UTS2B: variants seen among roughly 807,000 people sequenced by gnomAD.
The protein encoded by UTS2B is urotensin 2B.
A neutral mutation model predicts 19.2 loss-of-function variants in UTS2B; 21 were observed. The ratio of observed to expected loss-of-function variants is 1.09; its 90% confidence interval spans 0.78 to 1.58. The LOEUF (loss-of-function observed/expected upper bound fraction) is 1.58, where lower values mean the gene tolerates loss of function less well. Among genes scored for constraint, UTS2B ranks in the 40% most tolerant of loss-of-function variants. The pLI is 0.00. For missense variants in UTS2B, 138 were observed against 130.3 expected (o/e 1.06, Z -0.29); for synonymous variants, 57 against 50.2 (o/e 1.14, Z -0.58).
rs1316192581 is a variant in UTS2B, at chr3:191,330,456, C to A, written c.-707G>T. 6.6e-6 allele frequency: 1 copy of A among 152,286 alleles called. No homozygotes were observed. The highest frequency in any genetic ancestry group is 1.5e-5 in the Non-Finnish European group (1 of 68,120). The allele number at this position is 152,286 out of a possible 1,614,324, so 9.4% of individuals were successfully genotyped here. On this transcript the variant is annotated 5_prime_UTR_variant, in exon 1 of 9. Coordinates refer to ENST00000340524, the MANE Select transcript of UTS2B (RefSeq NM_198152.5). ...CAAGTAGCCTTTTGACTTCCCTTCT[C>A]TTGTTTTTCCACTAGCTGCCTCAGG...
At chr3:191,341,735 C>T in the UTS2B span, among the ~76,000 whole-genome samples, 1 of 152,096 alleles carries the variant, frequency 6.6e-6, no homozygotes, top group African/African-American at 2.4e-5. Context: ...AAAAAAATTA[C>T]CCCACTCTTG....
At chr3:191,320,139 T>TA (rs145840672) in intron 2 of UTS2B, among the ~76,000 whole-genome samples, 7,981 of 150,426 alleles carry the variant, frequency 0.053, 664 homozygotes, top group African/African-American at 0.18. Flanking sequence ...GACCTGGAGA[T>TA]AAAAAAAAAG....
upstream of UTS2B, among the ~76,000 whole-genome samples, chr3:191,333,961 C>G (rs1410739762): frequency 6.6e-6 from 1 of 151,984 alleles, no homozygotes; most frequent in Non-Finnish European, 1.5e-5. Flanking sequence ...TAATTTGTTG[C>G]TTTCTTTTCT....
upstream of UTS2B, among the ~76,000 whole-genome samples, chr3:191,331,924 A>G (rs1475514424): frequency 6.6e-6 from 1 of 152,216 alleles, no homozygotes; most frequent in Non-Finnish European, 1.5e-5. Flanking sequence ...TTAGTTTAAT[A>G]TTCTGATGCA....
At chr3:191,346,117 G>A in the UTS2B span, among the ~76,000 whole-genome samples, 1 of 152,244 alleles carries the variant, frequency 6.6e-6, no homozygotes, top group South Asian at 2.1e-4. Flanking sequence ...GGGACCATAT[G>A]TGGGCTTTAC....
intron 2 of UTS2B, among the ~76,000 whole-genome samples, chr3:191,325,484 A>C (rs1450572237): frequency 6.6e-6 from 1 of 152,132 alleles, no homozygotes; most frequent in Non-Finnish European, 1.5e-5. Flanking sequence ...GTTACAAAGG[A>C]GATATGGGGA....
At chr3:191,303,069 A>G (rs1237299257) in intron 4 of UTS2B, among the ~76,000 whole-genome samples, 1 of 152,248 alleles carries the variant, frequency 6.6e-6, no homozygotes, top group Non-Finnish European at 1.5e-5. Flanking sequence ...GAGAAACTTC[A>G]TCTGCACAAA....
intron 8 of UTS2B, among the ~76,000 whole-genome samples, chr3:191,275,030 T>C (rs986753937): frequency 1.3e-5 from 2 of 152,248 alleles, no homozygotes; most frequent in African/African-American, 4.8e-5. Context: ...ACCTATTTTA[T>C]TTAAACCTGA....
the UTS2B span, among the ~76,000 whole-genome samples, chr3:191,344,461 T>C: frequency 2.6e-5 from 4 of 152,238 alleles, no homozygotes; most frequent in African/African-American, 9.6e-5. Flanking sequence ...TACATATGAT[T>C]GGCGGCTACC....
the UTS2B span, among the ~76,000 whole-genome samples, chr3:191,336,793 G>A: frequency 6.6e-6 from 1 of 152,092 alleles, no homozygotes; most frequent in African/African-American, 2.4e-5. Flanking sequence ...CCAATACAAG[G>A]ATCTTCTCCT....
chr3:191,316,233 C>T lies in UTS2B; in HGVS notation c.-379G>A, dbSNP rs1403103381. The T allele has an allele frequency of 6.5e-6, 1 of 152,786 alleles. No homozygotes were observed. The allele number at this position is 152,786 out of a possible 1,614,324, so 9.5% of individuals were successfully genotyped here. On this transcript the variant is annotated 5_prime_UTR_variant, in exon 3 of 9. Transcript: ENST00000340524. ...ATTAGTGTGCCGGAATTGGTGGGTT[C>T]TTGGTCTCACAGACTTAAAGAATGA...
At chr3:191,295,154 A>G (rs924776729) in intron 4 of UTS2B, among the ~76,000 whole-genome samples, 6 of 151,994 alleles carry the variant, frequency 3.9e-5, no homozygotes, top group Non-Finnish European at 5.9e-5. Context: ...TTTCCATCCC[A>G]TTCAGGCCAA....
chr3:191,307,482 ATG>A (rs1295762902), intron 3 of UTS2B, among the ~76,000 whole-genome samples: 1 of 152,162 alleles, frequency 6.6e-6, no homozygotes, highest in Non-Finnish European at 1.5e-5. Context: ...ATACAACATC[ATG>A]TGTTTCTGTG....
chr3:191,316,602 G>A (rs966843735), intron 2 of UTS2B, among the ~76,000 whole-genome samples, 163 bp from the exon 3 acceptor site: 7 of 152,180 alleles, frequency 4.6e-5, no homozygotes, highest in East Asian at 1.9e-4. Context: ...TACAAAGAGC[G>A]GATTGGTCCA....
chr3:191,325,052 GAAA>G (rs1299848167), intron 2 of UTS2B, among the ~76,000 whole-genome samples: 2 of 134,426 alleles, frequency 1.5e-5, no homozygotes, highest in Non-Finnish European at 3.4e-5. Flanking sequence ...TCCATCTCAG[GAAA>G]AAAAAATAAT....
At chr3:191,303,038 T>C (rs560089918) in intron 4 of UTS2B, among the ~76,000 whole-genome samples, 1 of 152,200 alleles carries the variant, frequency 6.6e-6, no homozygotes, top group South Asian at 2.1e-4. Context: ...ACACTACCTA[T>C]TCTTCTGTGG....
chr3:191,275,549 A>G (rs905125919), intron 7 of UTS2B, among the ~76,000 whole-genome samples: 1 of 152,050 alleles, frequency 6.6e-6, no homozygotes, highest in Non-Finnish European at 1.5e-5. Flanking sequence ...GCGTGGTAGC[A>G]GGCACCTGTA....
In UTS2B at chr3:191,275,388, A is replaced by AC. The variant is rs2108569623; in HGVS notation, c.241-44dup. On this transcript the variant is annotated intron_variant, in intron 7 of 8. Coordinates refer to ENST00000340524, the MANE Select transcript of UTS2B (RefSeq NM_198152.5). Reference sequence around the variant, plus strand: ...TGATAATTAATTGGTCTTCTATAAAACCATGCTGTTGACCGGGCGCGGTGG... The same window carrying AC: ...TGATAATTAATTGGTCTTCTATAAAACCCATGCTGTTGACCGGGCGCGGTGG... 2.6e-6 allele frequency: 4 copies of AC among 1,545,134 alleles called. No homozygotes were observed. In the East Asian group the frequency reaches 9.0e-5, roughly 35 times the overall value.
intron 3 of UTS2B, among the ~76,000 whole-genome samples, chr3:191,309,310 T>C (rs75601965): frequency 5.3e-5 from 8 of 151,686 alleles, no homozygotes; most frequent in African/African-American, 7.3e-5. Flanking sequence ...TACAGGCGCC[T>C]ACCACCACGC....
Sources: allele counts gnomAD v4.1 joint callset (sites outside exome capture counted in the v4.1 genomes callset), GRCh38; gene constraint gnomAD v4.1.1; transcripts MANE v1.5; gene names NCBI Gene and HGNC (gene_info 2026-07-23, HGNC 2026-07-21).